Variants in CCDC144A observed in about 807,000 individuals in gnomAD.
The protein encoded by CCDC144A is coiled-coil domain-containing protein 144A.
Under a neutral mutation model 143.8 loss-of-function variants are expected in CCDC144A, and 41 were observed. The observed-to-expected ratio is 0.29, with a 90% CI of 0.22 to 0.37. The LOEUF (loss-of-function observed/expected upper bound fraction) is 0.37. CCDC144A is among the 10% of genes least tolerant of loss of function. The probability of loss-of-function intolerance (pLI) is 1.00; values close to 1 mark genes in which losing one functional copy is unlikely to be tolerated. For missense variants in CCDC144A, 637 were observed against 1,488.8 expected, an observed-to-expected ratio of 0.43 and a Z score of 9.41; for synonymous variants, 242 against 517.9, an observed-to-expected ratio of 0.47 and a Z score of 7.23.
chr17:16,669,375 T>C, the CCDC144A span, among the ~76,000 whole-genome samples: 2 of 152,248 alleles, frequency 1.3e-5, no homozygotes, highest in Non-Finnish European at 2.9e-5. Context: ...ACTGTTTAAT[T>C]ACAGTCCACC....
the CCDC144A span, among the ~76,000 whole-genome samples, chr17:16,670,428 C>A: frequency 1.3e-5 from 2 of 150,378 alleles, no homozygotes; most frequent in African/African-American, 2.4e-5. Flanking sequence ...GCCGGGATTA[C>A]ATAATCTTGT....
chr17:16,691,388 C>G (rs536321951), intron 1 of CCDC144A, among the ~76,000 whole-genome samples: 1 of 152,212 alleles, frequency 6.6e-6, no homozygotes, highest in East Asian at 1.9e-4. Context: ...AAGCCATCAC[C>G]AGAATTCTGA....
Position 16,734,911 on chromosome 17 carries a change from G to C in CCDC144A, c.2640G>C (p.Gln880His). 6.3e-7 allele frequency: 1 copy of C among 1,585,464 alleles called. No homozygotes were observed. Among genetic ancestry groups the C allele is most frequent in the East Asian group, 2.3e-5 (1 of 43,958 alleles). ...NEETLTETIL[Q>H]YSGQLNNLTA... is the part of the protein sequence containing the mutation. ...AAACATTAACAGAAACAATACTCCA[G>C]TACAGTGGACAGCTGAACAATCTGA... Residue 880 changes from glutamine to histidine, a missense_variant, in exon 12 of 17, where the codon CAG (glutamine) becomes CAC (histidine). Physicochemically the swap from Gln to His is conservative, Grantham distance 24 (BLOSUM62 0). Coordinates refer to ENST00000399273, the MANE Select transcript of CCDC144A (RefSeq NM_001382000.1).
At position 16,708,809 on chromosome 17, in the gene CCDC144A, A is replaced by G; in HGVS notation, c.752A>G (p.Glu251Gly). ...TTGCATCTGCAGAAAACGTCTCAAG[A>G]ACCAGAAATGGCTAAGGATTGCGAT... ...ENKQPQKTSQ[E>G]PEMAKDCDRE... The change falls in exon 5 of 17, where the codon GAA (glutamate) becomes GGA (glycine). Residue 251 changes from glutamate to glycine, a missense_variant. Glu to Gly is a moderately conservative substitution (Grantham distance 98, BLOSUM62 -2). Transcript: ENST00000399273. 1.2e-6 allele frequency: 2 copies of G among 1,611,816 alleles called. No homozygotes were observed. Among genetic ancestry groups the G allele is most frequent in the Non-Finnish European group, 1.7e-6 (2 of 1,179,744 alleles).
the CCDC144A span, among the ~76,000 whole-genome samples, chr17:16,680,498 T>G: frequency 2.0e-5 from 3 of 151,198 alleles, no homozygotes; most frequent in African/African-American, 7.3e-5. Context: ...AAGTGAGTCT[T>G]GTTAACACCA....
chr17:16,706,688 C>T (rs1383332500), intron 3 of CCDC144A: 2 of 150,806 alleles, frequency 1.3e-5, no homozygotes, highest in Non-Finnish European at 2.9e-5. Flanking sequence ...GTGCCTAGCA[C>T]ATAGCAAGAC....
intron 15 of CCDC144A, among the ~76,000 whole-genome samples, chr17:16,769,733 T>C (rs952424538): frequency 2.6e-5 from 4 of 152,080 alleles, no homozygotes; most frequent in Admixed American, 2.0e-4. Flanking sequence ...TTAAATTTGA[T>C]TCATAACTTA....
At chr17:16,680,681 A>G in the CCDC144A span, among the ~76,000 whole-genome samples, 6 of 151,542 alleles carry the variant, frequency 4.0e-5, no homozygotes, top group South Asian at 1.3e-3. Flanking sequence ...GAGAGAGAGA[A>G]AGAAGGAAGA....
At chr17:16,679,045 C>T in the CCDC144A span, among the ~76,000 whole-genome samples, 2 of 151,320 alleles carry the variant, frequency 1.3e-5, no homozygotes, top group South Asian at 2.1e-4. Flanking sequence ...TGAGCCACTG[C>T]GCCCTGCATT....
At chr17:16,688,279 T>C (rs1910851306), upstream of CCDC144A, among the ~76,000 whole-genome samples, 1 of 151,756 alleles carries the variant, frequency 6.6e-6, no homozygotes, top group South Asian at 2.1e-4. Context: ...CCGCTGCCCG[T>C]GTGCAGCTTT....
intron 12 of CCDC144A, chr17:16,746,833 G>T (rs1405690153): frequency 2.2e-5 from 23 of 1,025,068 alleles, no homozygotes; most frequent in Non-Finnish European, 3.4e-5. Context: ...CGCGTACCGC[G>T]CTGGGAGGCC....
At chr17:16,759,633 G>A (rs1325035599) in intron 12 of CCDC144A, among the ~76,000 whole-genome samples, 1 of 151,052 alleles carries the variant, frequency 6.6e-6, no homozygotes, top group African/African-American at 2.4e-5. Context: ...CAGCTTCTTC[G>A]AGGACCATCA....
intron 11 of CCDC144A, 114 bp downstream of exon 11, chr17:16,732,780 C>CACAA (rs1913802627): frequency 1.4e-6 from 1 of 725,268 alleles, no homozygotes. Context: ...CACACACACA[C>CACAA]ACACACACAC....
the CCDC144A span, among the ~76,000 whole-genome samples, chr17:16,675,095 G>A: frequency 1.3e-5 from 2 of 151,428 alleles, no homozygotes; most frequent in Admixed American, 6.6e-5. Context: ...ATGATGAAAC[G>A]CCATCTCTGC....
At chr17:16,684,198 A>G in the CCDC144A span, 1 of 974,692 alleles carries the variant, frequency 1.0e-6, no homozygotes. Context: ...GTGGCACTGG[A>G]GAGGCTGACC....
chr17:16,739,558 A>T (rs887674899), intron 12 of CCDC144A, among the ~76,000 whole-genome samples: 1 of 148,198 alleles, frequency 6.7e-6, no homozygotes, highest in Non-Finnish European at 1.5e-5. Context: ...TCTTACATTT[A>T]GTGGTTCTAT....
Position 16,776,374 on chromosome 17 carries a change from CT to C in CCDC144A, c.*2744del, listed in dbSNP as rs1567615130. On this transcript the variant is annotated 3_prime_UTR_variant, in exon 17 of 17. Transcript: ENST00000399273. ...CATTTGTTTGTGTCATCTCTGATTT[CT>C]TTGAATAATGGTTTATAGTTATCCT... The C allele has an allele frequency of 1.3e-5, 2 of 152,138 alleles. No homozygotes were observed. The highest frequency in any genetic ancestry group is 2.9e-5 in the Non-Finnish European group (2 of 68,060). 9.4% of individuals were successfully genotyped at this position (152,138 alleles called of 1,614,324 possible).
At chr17:16,700,783 G>C (rs1265109744) in intron 2 of CCDC144A, among the ~76,000 whole-genome samples, 1 of 151,974 alleles carries the variant, frequency 6.6e-6, no homozygotes, top group Non-Finnish European at 1.5e-5. Context: ...TGGTACATAA[G>C]TTACTATGGC....
chr17:16,710,674 C>T (rs1456603538), intron 5 of CCDC144A, among the ~76,000 whole-genome samples: 4 of 152,062 alleles, frequency 2.6e-5, no homozygotes, highest in African/African-American at 7.2e-5. Context: ...CATAAATGCT[C>T]AGCCAAACAC....
Sources: allele counts gnomAD v4.1 joint callset (sites outside exome capture counted in the v4.1 genomes callset), GRCh38; gene constraint gnomAD v4.1.1; transcripts MANE v1.5; gene names NCBI Gene and HGNC (gene_info 2026-07-23, HGNC 2026-07-21).